The following TIAM1 variants were observed in gnomAD, a reference collection of about 807,000 sequenced individuals.
The protein encoded by TIAM1 is TIAM Rac1 associated GEF 1.
TIAM1 carries 65 observed loss-of-function variants against 163.5 expected under a neutral mutation model. The observed-to-expected ratio is 0.40, with a 90% CI of 0.33 to 0.49. TIAM1 has a LOEUF of 0.49. Ranked by LOEUF, TIAM1 falls within the 20% of genes least tolerant of loss-of-function variation. The pLI is 0.77. For missense variants in TIAM1, 1,789 were observed against 2,044.7 expected (o/e 0.87, Z 2.41); for synonymous variants, 833 against 810.1 (o/e 1.03, Z -0.48).
chr21:31,456,886 T>C (rs1033681364), intron 2 of TIAM1, among the ~76,000 whole-genome samples: 7 of 152,226 alleles, frequency 4.6e-5, no homozygotes, highest in East Asian at 3.8e-4. Flanking sequence ...CCTGATTCTG[T>C]CTGCCTCTCT....
Position 31,221,582 on chromosome 21 carries a change from G to C in TIAM1, c.1995+1824C>G, listed in dbSNP as rs534903610. On this transcript the variant is annotated intron_variant, in intron 8 of 27. Coordinates refer to ENST00000541036, the MANE Select transcript of TIAM1 (RefSeq NM_001353694.2). ...ACGGTAACCTTCTCAGGGAGGCTGC[G>C]CCCAGTGGCTTTGAAGAAAATAATG... Among the ~76,000 whole-genome samples, 34 of 152,304 alleles carry C rather than the reference G, an allele frequency of 2.2e-4. No homozygotes were observed. The South Asian group carries it at 7.0e-3, about 32-fold the overall frequency.
intron 2 of TIAM1, among the ~76,000 whole-genome samples, chr21:31,394,737 C>T (rs1203934446): frequency 1.0e-5 from 1 of 98,052 alleles, no homozygotes; most frequent in East Asian, 2.1e-4. Context: ...CTCACACACA[C>T]ACACACACAC....
chr21:31,188,087 A>C (rs1371704025), intron 13 of TIAM1, among the ~76,000 whole-genome samples: 4 of 152,162 alleles, frequency 2.6e-5, no homozygotes, highest in African/African-American at 9.7e-5. Flanking sequence ...GAATTTTGTA[A>C]GATTGGGTTC....
At chr21:31,477,125 G>A (rs1261579273) in intron 1 of TIAM1, among the ~76,000 whole-genome samples, 1 of 152,140 alleles carries the variant, frequency 6.6e-6, no homozygotes, top group East Asian at 1.9e-4. Context: ...AGGTTGAACT[G>A]GGGGAAATTG....
chr21:31,531,754 A>G (rs2047977809), intron 1 of TIAM1, among the ~76,000 whole-genome samples: 1 of 95,228 alleles, frequency 1.1e-5, no homozygotes, highest in East Asian at 6.6e-4. Context: ...TCAACTATAC[A>G]GGAGTTAAAA....
intron 10 of TIAM1, among the ~76,000 whole-genome samples, chr21:31,210,582 GAAA>G (rs1569031133): frequency 2.1e-4 from 25 of 118,140 alleles, no homozygotes; most frequent in African/African-American, 8.5e-4. Context: ...AAGAAAGAAA[GAAA>G]GAAAGAAAGA....
At chr21:31,265,890 A>C in intron 4 of TIAM1, 120 bp downstream of exon 4, 6 of 1,364,080 alleles carry the variant, frequency 4.4e-6, no homozygotes, top group Non-Finnish European at 5.0e-6. Flanking sequence ...AGCTGCAGCA[A>C]CTACCAGGCA....
At chr21:31,224,471 G>C (rs908543394) in intron 7 of TIAM1, among the ~76,000 whole-genome samples, 1 of 152,184 alleles carries the variant, frequency 6.6e-6, no homozygotes, top group African/African-American at 2.4e-5. Context: ...CTCAGGGAAG[G>C]AGCCGGACAC....
intron 2 of TIAM1, among the ~76,000 whole-genome samples, chr21:31,417,526 G>A (rs2043412853): frequency 6.6e-6 from 1 of 152,038 alleles, no homozygotes. Context: ...ACAGTACGGG[G>A]GAAACCACCC....
intron 2 of TIAM1, among the ~76,000 whole-genome samples, chr21:31,287,444 A>T (rs547126762): frequency 6.6e-6 from 1 of 152,350 alleles, no homozygotes. Flanking sequence ...CTACCCACTC[A>T]GACAGGGCTG....
chr21:31,433,029 G>T (rs554839907), intron 2 of TIAM1, among the ~76,000 whole-genome samples: 1 of 152,246 alleles, frequency 6.6e-6, no homozygotes, highest in South Asian at 2.1e-4. Flanking sequence ...AAATGTATGT[G>T]GGTATGTCTT....
intron 2 of TIAM1, among the ~76,000 whole-genome samples, chr21:31,321,316 G>A (rs767161852): frequency 5.4e-5 from 8 of 149,220 alleles, no homozygotes; most frequent in Non-Finnish European, 1.0e-4. Flanking sequence ...CTCAGAGTAC[G>A]TTATTTCCCA....
intron 6 of TIAM1, among the ~76,000 whole-genome samples, chr21:31,241,580 C>T (rs2071177582): frequency 6.6e-6 from 1 of 152,150 alleles, no homozygotes; most frequent in African/African-American, 2.4e-5. Context: ...ACTATCACCA[C>T]CGATAATCAA....
rs561194791 is a variant in TIAM1 at position 31,194,057 on chromosome 21, T to A, written c.2575+1167A>T. 2.6e-5 allele frequency among the ~76,000 whole-genome samples: 4 copies of A among 152,244 alleles called. No individual in the cohort carries two copies. The East Asian group carries it at 7.7e-4, about 29-fold the overall frequency. On this transcript the variant is annotated intron_variant, in intron 13 of 27. Transcript: ENST00000541036. ...CTCAAGCCTGGCTATACAAATCCAG[T>A]GCATTCCGCCGCTGGCCGGAAGACC...
At chr21:31,474,410 A>T (rs1291270285) in intron 1 of TIAM1, among the ~76,000 whole-genome samples, 2 of 152,124 alleles carry the variant, frequency 1.3e-5, no homozygotes, top group South Asian at 2.1e-4. Context: ...AGCCCCAGGC[A>T]CTCTGTGCCT....
At chr21:31,161,707 T>C (rs764804738) in intron 16 of TIAM1, among the ~76,000 whole-genome samples, 4 of 152,214 alleles carry the variant, frequency 2.6e-5, no homozygotes, top group Non-Finnish European at 5.9e-5. Flanking sequence ...AAAAAGTGAT[T>C]ATTTGTTTCT....
chr21:31,489,329 C>T (rs1184141344), intron 1 of TIAM1, among the ~76,000 whole-genome samples: 1 of 120,200 alleles, frequency 8.3e-6, no homozygotes, highest in Admixed American at 9.7e-5. Context: ...ATGATTACAC[C>T]ACTGCACTCC....
chr21:31,430,231 T>TACAC (rs1415864666), intron 2 of TIAM1, among the ~76,000 whole-genome samples: 8 of 117,160 alleles, frequency 6.8e-5, no homozygotes, highest in African/African-American at 3.2e-4. Context: ...AAAAAATATA[T>TACAC]ATATATATAT....
chr21:31,315,717 C>G (rs191294782), intron 2 of TIAM1, among the ~76,000 whole-genome samples: 1 of 146,682 alleles, frequency 6.8e-6, no homozygotes, highest in Admixed American at 6.9e-5. Context: ...CGCAGTGGCT[C>G]ACTACTGTAA....
Sources: allele counts gnomAD v4.1 joint callset (sites outside exome capture counted in the v4.1 genomes callset), GRCh38; gene constraint gnomAD v4.1.1; transcripts MANE v1.5; gene names NCBI Gene and HGNC (gene_info 2026-07-23, HGNC 2026-07-21).